MTBP: variants seen among roughly 807,000 people sequenced by gnomAD.
The protein encoded by MTBP is mdm2-binding protein.
A neutral mutation model predicts 117.0 loss-of-function variants in MTBP; 101 were observed. The observed-to-expected ratio is 0.86, with a 90% CI of 0.73 to 1.02. The LOEUF is 1.02. MTBP is among the 50% of genes least tolerant of loss of function. The pLI, the probability that MTBP is intolerant of heterozygous loss-of-function variation, is 0.00. For missense variants in MTBP, 970 were observed against 1,030.9 expected (o/e 0.94, Z 0.81); for synonymous variants, 350 against 351.5 (o/e 1.00, Z 0.05).
rs1814490912 is a variant in MTBP, at chr8:120,497,433, T to C, written c.1488T>C (p.Val496=). 6.2e-7 allele frequency: 1 copy of C among 1,607,370 alleles called. No homozygotes were observed. The highest frequency in any genetic ancestry group is 1.3e-5 in the African/African-American group (1 of 74,654). Reference sequence around the variant, plus strand: ...CAAAGCAGCCTGAAACAGTTTCTGTTGCTGAACTCAAAAGTCTGTTAGTAC... The same window carrying C: ...CAAAGCAGCCTGAAACAGTTTCTGTCGCTGAACTCAAAAGTCTGTTAGTAC... The part of the protein sequence containing the change: ...KLAKQPETVS[V]AELKSLLVLT... The change falls in exon 14 of 22, where the codon GTT becomes GTC. Residue 496 remains valine, a synonymous_variant. Coordinates refer to ENST00000305949, the MANE Select transcript of MTBP (RefSeq NM_022045.5).
At chr8:120,518,879 TA>T (rs1211170179) in intron 20 of MTBP, 62 bp downstream of exon 20, 96 of 1,169,900 alleles carry the variant, frequency 8.2e-5, no homozygotes, top group South Asian at 2.3e-4. Flanking sequence ...CTGTTTGACA[TA>T]AAAAAAAGTT....
chr8:120,502,491 G>T lies in MTBP; in HGVS notation c.1610-1G>T. 1.9e-6 allele frequency: 3 copies of T among 1,568,678 alleles called. No homozygotes were observed. Among genetic ancestry groups the T allele is most frequent in the Non-Finnish European group, 2.6e-6 (3 of 1,156,238 alleles). Reference sequence around the variant, plus strand: ...ACTTATGTGTATTTCTTTCACTTTAGATTTTAGTCCAGTGGAACCTAATTC... The same window carrying T: ...ACTTATGTGTATTTCTTTCACTTTATATTTTAGTCCAGTGGAACCTAATTC... On this transcript the variant is annotated splice_acceptor_variant, in intron 14 of 21. Coordinates refer to ENST00000305949, the MANE Select transcript of MTBP (RefSeq NM_022045.5). LOFTEE classifies it high-confidence loss of function.
Position 120,490,454 on chromosome 8 carries a change from AT to A in MTBP, c.1340-6del. On this transcript the variant is annotated splice_region_variant and splice_polypyrimidine_tract_variant and intron_variant, in intron 12 of 21. Transcript: ENST00000305949. ...TTAATGTTGACCTTTTTTTTTTCTT[AT>A]TTCTCAGGTTTTCCTTTTGACTTAT... 1 of 1,542,334 alleles carries A rather than the reference AT, an allele frequency of 6.5e-7. No individual in the cohort carries two copies. The highest frequency in any genetic ancestry group is 8.8e-7 in the Non-Finnish European group (1 of 1,133,828).
At chr8:120,512,022 C>T (rs1340441463) in intron 17 of MTBP, among the ~76,000 whole-genome samples, 1 of 152,096 alleles carries the variant, frequency 6.6e-6, no homozygotes, top group East Asian at 1.9e-4. Context: ...CTTATTCCAT[C>T]AGCTATAAAG....
At chr8:120,509,863 A>T in intron 16 of MTBP, 71 bp from the exon 17 acceptor site, 2 of 1,033,546 alleles carry the variant, frequency 1.9e-6, no homozygotes, top group Non-Finnish European at 2.9e-6. Flanking sequence ...TTGTTTCATT[A>T]GATACTTTCT....
chr8:120,496,655 T>G (rs944954173), intron 13 of MTBP, among the ~76,000 whole-genome samples: 2 of 151,636 alleles, frequency 1.3e-5, no homozygotes, highest in African/African-American at 4.9e-5. Context: ...CTTAATCCCT[T>G]GGTTTTAACA....
Position 120,522,697 on chromosome 8 carries a change from C to T in MTBP, c.2654C>T (p.Thr885Ile), listed in dbSNP as rs1375371205. The change falls in exon 21 of 22, where the codon ACA becomes ATA. Residue 885 changes from threonine (T) to isoleucine (I), a missense_variant. Physicochemically the swap from Thr to Ile is moderately conservative, Grantham distance 89 (BLOSUM62 -1). Transcript: ENST00000305949. Reference protein sequence around the residue: ...SRGLFEEMKKTANNNAVQVID... With the variant: ...SRGLFEEMKKIANNNAVQVID... ...GGTCTATTTGAAGAAATGAAGAAAA[C>T]AGCAAACAACAATGCTGTACAGGTA... is the stretch of plus-strand genomic sequence containing the variant. The T allele has an allele frequency of 6.2e-7, 1 of 1,605,802 alleles. No individual in the cohort carries two copies. Among genetic ancestry groups the T allele is most frequent in the East Asian group, 2.2e-5 (1 of 44,612 alleles).
At chr8:120,474,161 G>C (rs1022085061) in intron 11 of MTBP, among the ~76,000 whole-genome samples, 11 of 151,808 alleles carry the variant, frequency 7.2e-5, no homozygotes, top group African/African-American at 2.4e-4. Flanking sequence ...TTGGTAACTT[G>C]TGAATAATAA....
chr8:120,488,125 T>C (rs919206121), intron 11 of MTBP, 34 bp from the exon 12 acceptor site: 3 of 1,535,292 alleles, frequency 2.0e-6, no homozygotes, highest in Non-Finnish European at 2.6e-6. Context: ...TGCTGAATTT[T>C]CACATACTTA....
intron 18 of MTBP, 148 bp downstream of exon 18, chr8:120,516,339 T>C: frequency 1.4e-6 from 1 of 738,450 alleles, no homozygotes; most frequent in Non-Finnish European, 2.1e-6. Flanking sequence ...TGCTTATAAG[T>C]TATAAAAATA....
chr8:120,498,384 C>G (rs914296155), intron 14 of MTBP, among the ~76,000 whole-genome samples: 1 of 152,152 alleles, frequency 6.6e-6, no homozygotes, highest in Non-Finnish European at 1.5e-5. Flanking sequence ...ACAGAGTTAT[C>G]TGAAAGGTGC....
At chr8:120,463,829 A>C in intron 10 of MTBP, 68 bp downstream of exon 10, 2 of 1,407,404 alleles carry the variant, frequency 1.4e-6, no homozygotes, top group Non-Finnish European at 2.0e-6. Context: ...GATGTGTAAG[A>C]AAAGGGAATG....
chr8:120,495,543 T>G (rs544721004), intron 13 of MTBP, among the ~76,000 whole-genome samples: 1 of 151,806 alleles, frequency 6.6e-6, no homozygotes, highest in Non-Finnish European at 1.5e-5. Flanking sequence ...TTCCTCCCAT[T>G]CTCTCTCTCT....
intron 8 of MTBP, 102 bp downstream of exon 8, chr8:120,459,451 T>C: frequency 8.9e-7 from 1 of 1,129,938 alleles, no homozygotes; most frequent in Non-Finnish European, 1.2e-6. Context: ...TGTGCTTAAG[T>C]GTGCTCACTA....
intron 11 of MTBP, chr8:120,471,639 A>T (rs951212479): frequency 3.9e-5 from 6 of 152,182 alleles, no homozygotes; most frequent in South Asian, 2.1e-4. Flanking sequence ...TGTATGTTAC[A>T]CAGTATTCCA....
chr8:120,470,743 T>A, intron 10 of MTBP, 77 bp from the exon 11 acceptor site: 1 of 1,039,628 alleles, frequency 9.6e-7, no homozygotes, highest in Non-Finnish European at 1.4e-6. Flanking sequence ...GAAATATGAG[T>A]GGAAAATTGT....
chr8:120,445,683 G>A (rs966568535), intron 1 of MTBP, 95 bp downstream of exon 1: 1 of 977,716 alleles, frequency 1.0e-6, no homozygotes, highest in Non-Finnish European at 1.5e-6. Context: ...GGATCAATAT[G>A]TAGTTGTCCC....
At position 120,523,384 on chromosome 8, in the gene MTBP, A is replaced by G; in HGVS notation, c.*48A>G. On this transcript the variant is annotated 3_prime_UTR_variant, in exon 22 of 22. Transcript: ENST00000305949. ...CAATTATAAATTGGATGGAGCTATT[A>G]TTCACTACTTCTTTTCTTAGTTTGA... 6 of 1,140,946 alleles carry G rather than the reference A, an allele frequency of 5.3e-6. No homozygotes were observed. The highest frequency in any genetic ancestry group is 7.5e-6 in the Non-Finnish European group (6 of 802,094). The allele number at this position is 1,140,946 out of a possible 1,614,324, so 70.7% of individuals were successfully genotyped here.
intron 9 of MTBP, among the ~76,000 whole-genome samples, chr8:120,461,515 C>T (rs1813583203): frequency 6.6e-6 from 1 of 151,976 alleles, no homozygotes; most frequent in African/African-American, 2.4e-5. Context: ...TATTTTTGTT[C>T]AGTATTGTTG....
Sources: gnomAD v4.1 joint callset for allele counts (sites outside exome capture counted in the v4.1 genomes callset) on GRCh38, gnomAD v4.1.1 for gene constraint, MANE v1.5 for transcripts, NCBI Gene and HGNC (gene_info 2026-07-23, HGNC 2026-07-21) for gene names.